TXLNG: variants seen among roughly 807,000 people sequenced by gnomAD.
The protein encoded by TXLNG is taxilin gamma.
In TXLNG, 5 loss-of-function variants were observed where a neutral mutation model predicts 38.8. The observed-to-expected ratio is 0.13, with a 90% confidence interval of 0.07 to 0.27. The LOEUF is 0.27. Among genes scored for constraint, TXLNG ranks in the 10% least tolerant of loss-of-function variants. The probability of loss-of-function intolerance (pLI) is 1.00; values close to 1 mark genes in which losing one functional copy is unlikely to be tolerated. For synonymous variants in TXLNG, 182 were observed against 158.2 expected, an observed-to-expected ratio of 1.15 and a Z score of -1.13; for missense variants, 393 against 398.2, an observed-to-expected ratio of 0.99 and a Z score of 0.11.
At chrX:16,836,135 A>G (rs763943490) in intron 7 of TXLNG, among the ~76,000 whole-genome samples, 1 of 111,853 alleles carries the variant, frequency 8.9e-6, no homozygotes. Flanking sequence ...GTGTGTGCCT[A>G]CAGTCCCCTC....
intron 3 of TXLNG, among the ~76,000 whole-genome samples, chrX:16,823,626 C>T (rs1268012108): frequency 3.6e-5 from 4 of 111,143 alleles, no homozygotes; most frequent in Non-Finnish European, 5.7e-5. Context: ...GCTTGTTGCA[C>T]TGACATGCAT....
intron 1 of TXLNG, among the ~76,000 whole-genome samples, chrX:16,798,920 C>G (rs1927981277): frequency 9.2e-6 from 1 of 108,491 alleles, no homozygotes; most frequent in African/African-American, 3.4e-5. Context: ...TCGCTCGTTT[C>G]CCAGGCTGGA....
chrX:16,840,202 T>G (rs977586039), intron 9 of TXLNG, among the ~76,000 whole-genome samples: 1 of 112,164 alleles, frequency 8.9e-6, no homozygotes, highest in Non-Finnish European at 1.9e-5. Context: ...GATTTTGCTT[T>G]CTTCTACAGC....
chrX:16,827,313 T>C (rs1248140842), intron 3 of TXLNG, among the ~76,000 whole-genome samples: 1 of 112,184 alleles, frequency 8.9e-6, no homozygotes, highest in Admixed American at 9.5e-5. Context: ...GGAAATGATC[T>C]AGACAGACAT....
In TXLNG at chrX:16,838,471, G is replaced by T. The variant is rs779548222; in HGVS notation, c.1152+786G>T. Among the ~76,000 whole-genome samples the T allele has an allele frequency of 2.7e-5, 3 of 112,047 alleles. No homozygotes were observed. In the South Asian group the frequency reaches 1.1e-3, roughly 41 times the overall value. On this transcript the variant is annotated intron_variant, in intron 8 of 9. Transcript: ENST00000380122. The stretch of plus-strand genomic sequence containing the variant: ...TAATGTCCCAGTTGCATCATAGAAC[G>T]TGTGACTATGGACAAATTGTTAAAC...
rs56044570 is a variant in TXLNG at position 16,824,762 on chromosome X, TAA to T, written c.499-3320_499-3319del. ...TGAAAGCCCGTCTCTACTAAAAAAA[TAA>T]AAAAAAAAAAATTAGCCGGGCATGG... On this transcript the variant is annotated intron_variant, in intron 3 of 9. Coordinates refer to ENST00000380122, the MANE Select transcript of TXLNG (RefSeq NM_018360.3). 4.0e-4 allele frequency among the ~76,000 whole-genome samples: 40 copies of T among 99,980 alleles called. 1 individual carries two copies. The highest frequency in any genetic ancestry group is 3.5e-3 in the Admixed American group (32 of 9,059). The allele number at this position is 99,980 out of a possible 115,157, so 86.8% of individuals were successfully genotyped here. A position where few individuals can be genotyped will look rare whatever the true frequency, so the allele number is the denominator to read the frequency against.
Position 16,841,470 on chromosome X carries a change from C to G in TXLNG, c.1291C>G (p.Leu431Val), listed in dbSNP as rs1327241844. ...AGAGTACAAGGCCCTTCAAATAAAA[C>G]TGGAACGGTTAGAGAAGCTGTGCAG... ...DKEYKALQIK[L>V]ERLEKLCRAL... The change falls in exon 10 of 10, where the codon CTG becomes GTG. Residue 431 changes from leucine (L) to valine (V), a missense_variant. Coordinates refer to ENST00000380122, the MANE Select transcript of TXLNG (RefSeq NM_018360.3). 1 of 1,211,152 alleles carries G rather than the reference C, an allele frequency of 8.3e-7. No homozygotes were observed. Among genetic ancestry groups the G allele is most frequent in the Non-Finnish European group, 1.1e-6 (1 of 895,273 alleles).
chrX:16,841,287 A>G, intron 9 of TXLNG, 141 bp from the exon 10 acceptor site: 1 of 463,560 alleles, frequency 2.2e-6, no homozygotes, highest in Non-Finnish European at 3.7e-6. Context: ...CAGTCATGCT[A>G]GCTAGCTAGA....
intron 1 of TXLNG, among the ~76,000 whole-genome samples, chrX:16,808,161 C>T (rs7883011): frequency 0.045 from 5,014 of 111,008 alleles, 280 homozygotes; most frequent in African/African-American, 0.16. Context: ...ATCCTTTGAC[C>T]GGAGGGGAGT....
At chrX:16,800,407 A>G (rs1928046426) in intron 1 of TXLNG, among the ~76,000 whole-genome samples, 1 of 109,794 alleles carries the variant, frequency 9.1e-6, no homozygotes. Flanking sequence ...CGTGTTCACC[A>G]CCACACCTGG....
Position 16,841,478 on chromosome X carries a change from G to T in TXLNG, c.1299G>T (p.Arg433=). ...EYKALQIKLE[R]LEKLCRALQT... ...AGGCCCTTCAAATAAAACTGGAACG[G>T]TTAGAGAAGCTGTGCAGGGCTCTTC... The change falls in exon 10 of 10, where the codon CGG becomes CGT. Residue 433 remains arginine, a synonymous_variant. Coordinates refer to ENST00000380122, the MANE Select transcript of TXLNG (RefSeq NM_018360.3). The T allele has an allele frequency of 8.3e-7, 1 of 1,209,887 alleles. No homozygotes were observed. The highest frequency in any genetic ancestry group is 3.0e-5 in the East Asian group (1 of 33,778).
chrX:16,812,559 A>G (rs1467899025), intron 1 of TXLNG, among the ~76,000 whole-genome samples: 4 of 105,118 alleles, frequency 3.8e-5, no homozygotes, highest in African/African-American at 1.4e-4. Context: ...ATGCCCGGCT[A>G]ATGTTTGTAT....
At chrX:16,791,216 A>G (rs894635430) in intron 1 of TXLNG, among the ~76,000 whole-genome samples, 7 of 111,991 alleles carry the variant, frequency 6.3e-5, no homozygotes, top group Non-Finnish European at 1.3e-4. Context: ...TCCTCTTCCC[A>G]GAATCTCTCC....
At chrX:16,822,691 A>G (rs781662697) in intron 3 of TXLNG, among the ~76,000 whole-genome samples, 17 of 112,313 alleles carry the variant, frequency 1.5e-4, no homozygotes, top group African/African-American at 5.2e-4. Context: ...CAGAAAAAGC[A>G]GTGTCGAAGG....
chrX:16,807,799 C>T (rs1341366849), intron 1 of TXLNG, among the ~76,000 whole-genome samples: 2 of 111,209 alleles, frequency 1.8e-5, no homozygotes, highest in Admixed American at 9.7e-5. Flanking sequence ...TATGCCTGGC[C>T]CTGGTCAAAG....
intron 1 of TXLNG, among the ~76,000 whole-genome samples, chrX:16,809,324 G>T (rs1928427856): frequency 1.1e-5 from 1 of 93,544 alleles, no homozygotes; most frequent in South Asian, 5.7e-4. Context: ...TTTTTGATGT[G>T]TAAAATGATA....
At chrX:16,812,153 G>A (rs1186613581) in intron 1 of TXLNG, among the ~76,000 whole-genome samples, 3 of 87,204 alleles carry the variant, frequency 3.4e-5, no homozygotes, top group African/African-American at 1.3e-4. Flanking sequence ...ACAGGCGCCC[G>A]CCACCACACC....
intron 3 of TXLNG, among the ~76,000 whole-genome samples, chrX:16,821,356 C>A (rs377246199): frequency 8.4e-5 from 9 of 107,216 alleles, no homozygotes; most frequent in East Asian, 6.2e-4. Flanking sequence ...AGCCAGGATG[C>A]TCTCCATCTC....
At position 16,818,805 on chromosome X, in the gene TXLNG, G is replaced by A. The variant is rs1434548043; in HGVS notation, c.334G>A (p.Gly112Arg). 1.9e-5 allele frequency: 23 copies of A among 1,210,223 alleles called. 1 individual carries two copies. The East Asian group carries it at 6.8e-4, about 36-fold the overall frequency. The change falls in exon 2 of 10, where the codon GGA (glycine) becomes AGA (arginine). Residue 112 changes from glycine (G) to arginine (R), a missense_variant. Physicochemically the swap from Gly to Arg is moderately radical, Grantham distance 125. Coordinates refer to ENST00000380122, the MANE Select transcript of TXLNG (RefSeq NM_018360.3). ...TQESREEIPGGEARTDPPDGQ... is the reference protein window; with the variant it reads ...TQESREEIPGREARTDPPDGQ... Reference sequence around the variant, plus strand: ...AGAATCAAGAGAGGAAATCCCTGGGGGAGAAGCTCGAACAGATCCCCCTGA... The same window carrying A: ...AGAATCAAGAGAGGAAATCCCTGGGAGAGAAGCTCGAACAGATCCCCCTGA...
Sources: allele counts gnomAD v4.1 joint callset (sites outside exome capture counted in the v4.1 genomes callset), GRCh38; gene constraint gnomAD v4.1.1; transcripts MANE v1.5; gene names NCBI Gene and HGNC (gene_info 2026-07-23, HGNC 2026-07-21).